LRRTM4: variants seen among roughly 807,000 people sequenced by gnomAD.
LRRTM4 encodes the protein leucine rich repeat transmembrane neuronal 4.
LRRTM4 carries 25 observed loss-of-function variants against 47.6 expected under a neutral mutation model. The observed-to-expected ratio is 0.53, with a 90% confidence interval of 0.38 to 0.73. The LOEUF is 0.73. Among genes scored for constraint, LRRTM4 ranks in the 30% least tolerant of loss-of-function variants. The pLI is 0.00. For missense variants in LRRTM4, 638 were observed against 713.4 expected (o/e 0.89, Z 1.20); for synonymous variants, 311 against 269.5 (o/e 1.15, Z -1.51).
intron 3 of LRRTM4, among the ~76,000 whole-genome samples, chr2:76,814,773 A>G (rs1176583079): frequency 6.6e-6 from 1 of 151,688 alleles, no homozygotes; most frequent in Non-Finnish European, 1.5e-5. Context: ...TAACAATAGC[A>G]ATACTAAAAT....
At chr2:77,362,156 A>AGAAG (rs1491413965) in intron 3 of LRRTM4, among the ~76,000 whole-genome samples, 4 of 151,570 alleles carry the variant, frequency 2.6e-5, no homozygotes, top group African/African-American at 9.7e-5. Flanking sequence ...AAAGAAAGAA[A>AGAAG]GAAAGAAAGA....
chr2:76,797,669 G>A (rs1415634655), intron 3 of LRRTM4, among the ~76,000 whole-genome samples: 1 of 151,316 alleles, frequency 6.6e-6, no homozygotes, highest in African/African-American at 2.4e-5. Flanking sequence ...ACACAGACTG[G>A]CAAATTGGAT....
chr2:77,356,650 A>G (rs1671978626), intron 3 of LRRTM4, among the ~76,000 whole-genome samples: 1 of 152,210 alleles, frequency 6.6e-6, no homozygotes, highest in African/African-American at 2.4e-5. Context: ...TCATTTCAGC[A>G]TATAGATTCA....
chr2:77,273,253 A>G (rs1473095433), intron 3 of LRRTM4, among the ~76,000 whole-genome samples: 1 of 152,126 alleles, frequency 6.6e-6, no homozygotes, highest in African/African-American at 2.4e-5. Flanking sequence ...TATTAATGGG[A>G]AAAAATGCAT....
At chr2:76,945,192 T>A (rs1675282444) in intron 3 of LRRTM4, among the ~76,000 whole-genome samples, 1 of 152,052 alleles carries the variant, frequency 6.6e-6, no homozygotes, top group South Asian at 2.1e-4. Flanking sequence ...TTTATCTCTG[T>A]AAAAATAAGA....
chr2:77,296,372 C>T (rs1676972657), intron 3 of LRRTM4, among the ~76,000 whole-genome samples: 1 of 152,098 alleles, frequency 6.6e-6, no homozygotes, highest in African/African-American at 2.4e-5. Context: ...TGGGAGATAG[C>T]ATCTTCGATT....
chr2:77,022,156 A>T (rs2104106791), intron 3 of LRRTM4, among the ~76,000 whole-genome samples: 1 of 152,290 alleles, frequency 6.6e-6, no homozygotes, highest in Admixed American at 6.5e-5. Context: ...GCAAGAGAAA[A>T]TGAGGAAGAT....
At chr2:76,826,374 A>G (rs185497847) in intron 3 of LRRTM4, among the ~76,000 whole-genome samples, 27 of 151,664 alleles carry the variant, frequency 1.8e-4, no homozygotes, top group South Asian at 6.2e-4. Flanking sequence ...GTAATCTTAA[A>G]TAGGTTATAT....
chr2:77,376,488 T>C (rs921097786), intron 3 of LRRTM4, among the ~76,000 whole-genome samples: 1 of 151,262 alleles, frequency 6.6e-6, no homozygotes, highest in Non-Finnish European at 1.5e-5. Context: ...CATATCCTCA[T>C]ATCTGCTTAA....
chr2:76,861,783 T>C (rs1020198429), intron 3 of LRRTM4, among the ~76,000 whole-genome samples: 1 of 152,226 alleles, frequency 6.6e-6, no homozygotes, highest in Non-Finnish European at 1.5e-5. Context: ...CATGAGGATT[T>C]GAGTAAAGAA....
At chr2:77,075,971 A>C (rs970342013) in intron 3 of LRRTM4, among the ~76,000 whole-genome samples, 1 of 148,098 alleles carries the variant, frequency 6.8e-6, no homozygotes, top group East Asian at 2.0e-4. Context: ...CTGGTTTCTG[A>C]TAAGGTCATT....
intron 3 of LRRTM4, among the ~76,000 whole-genome samples, chr2:77,000,310 G>GAAAAA (rs3057996): frequency 1.4e-5 from 2 of 145,766 alleles, no homozygotes; most frequent in African/African-American, 2.5e-5. Flanking sequence ...GGGATTTCTA[G>GAAAAA]AAAAAAAAAA....
intron 3 of LRRTM4, among the ~76,000 whole-genome samples, chr2:77,477,938 AG>A: frequency 6.7e-6 from 1 of 149,110 alleles, no homozygotes; most frequent in African/African-American, 2.5e-5. Flanking sequence ...AAAGAAAGAA[AG>A]AAAGAAAGAA....
intron 3 of LRRTM4, among the ~76,000 whole-genome samples, chr2:77,310,413 T>C (rs1437777226): frequency 6.6e-6 from 1 of 152,172 alleles, no homozygotes; most frequent in Non-Finnish European, 1.5e-5. Context: ...TCATTGGTTG[T>C]AACAGCTGAA....
At chr2:76,793,843 T>C (rs1172424197) in intron 3 of LRRTM4, among the ~76,000 whole-genome samples, 2 of 152,224 alleles carry the variant, frequency 1.3e-5, no homozygotes, top group Admixed American at 6.5e-5. Context: ...TGTGTTGCTG[T>C]AAGCCTGTAA....
chr2:77,490,003 A>C (rs1678073491), intron 3 of LRRTM4, among the ~76,000 whole-genome samples: 1 of 152,184 alleles, frequency 6.6e-6, no homozygotes, highest in Admixed American at 6.5e-5. Context: ...TAATCCCAGC[A>C]CTTTGGGAGG....
intron 3 of LRRTM4, among the ~76,000 whole-genome samples, chr2:76,779,802 T>G (rs1267884552): frequency 6.6e-6 from 1 of 152,218 alleles, no homozygotes; most frequent in Admixed American, 6.5e-5. Flanking sequence ...GATCTTATCA[T>G]TATGATGTTA....
intron 3 of LRRTM4, among the ~76,000 whole-genome samples, chr2:76,886,658 G>A (rs1337219351): frequency 6.6e-6 from 1 of 151,938 alleles, no homozygotes; most frequent in Admixed American, 6.6e-5. Flanking sequence ...TTACAAAAAT[G>A]CAAATAGTAA....
At position 77,450,849 on chromosome 2, in the gene LRRTM4, A is replaced by C. The variant is rs374882227; in HGVS notation, c.1551+67469T>G. Among the ~76,000 whole-genome samples the C allele has an allele frequency of 1.1e-3, 167 of 152,254 alleles. 1 individual carries two copies. Among genetic ancestry groups the C allele is most frequent in the African/African-American group, 3.7e-3 (153 of 41,562 alleles). ...CTATTTTATATATATATGTAGATTA[A>C]ATTCCAACATATTACATTCCCCAAT... On this transcript the variant is annotated intron_variant, in intron 3 of 3. Coordinates refer to ENST00000409884, the MANE Select transcript of LRRTM4 (RefSeq NM_001134745.3).
Sources: gnomAD v4.1 joint callset for allele counts (sites outside exome capture counted in the v4.1 genomes callset) on GRCh38, gnomAD v4.1.1 for gene constraint, MANE v1.5 for transcripts, NCBI Gene and HGNC (gene_info 2026-07-23, HGNC 2026-07-21) for gene names.